LOXL1: variants seen among roughly 807,000 people sequenced by gnomAD.
LOXL1 encodes lysyl oxidase homolog 1.
Under a neutral mutation model 62.2 loss-of-function variants are expected in LOXL1, and 31 were observed. The ratio of observed to expected loss-of-function variants is 0.50; its 90% CI spans 0.37 to 0.67. The LOEUF (loss-of-function observed/expected upper bound fraction) is 0.67. Ranked by LOEUF, LOXL1 falls within the 30% of genes least tolerant of loss-of-function variation. The pLI, the probability that LOXL1 is intolerant of heterozygous loss-of-function variation, is 0.00. For synonymous variants in LOXL1, 403 were observed against 384.4 expected, an observed-to-expected ratio of 1.05 and a Z score of -0.56; for missense variants, 775 against 843.4, an observed-to-expected ratio of 0.92 and a Z score of 1.00.
chr15:73,934,473 G>A (rs1318434766), intron 1 of LOXL1, among the ~76,000 whole-genome samples: 1 of 152,186 alleles, frequency 6.6e-6, no homozygotes, highest in African/African-American at 2.4e-5. Flanking sequence ...AGCACCCACT[G>A]TGCACCTGGG....
intron 5 of LOXL1, 25 bp downstream of exon 5, chr15:73,947,927 C>G: frequency 1.3e-6 from 2 of 1,552,016 alleles, no homozygotes; most frequent in Non-Finnish European, 1.8e-6. Context: ...CTGGGGCTTT[C>G]CCTCCAACCT....
intron 1 of LOXL1, among the ~76,000 whole-genome samples, chr15:73,929,906 T>TG (rs1395570439): frequency 2.6e-5 from 4 of 152,158 alleles, no homozygotes; most frequent in Non-Finnish European, 5.9e-5. Flanking sequence ...ACCAAGTCAG[T>TG]GGGTCTTCTA....
At chr15:73,941,133 C>T (rs1191543909) in intron 1 of LOXL1, among the ~76,000 whole-genome samples, 2 of 152,150 alleles carry the variant, frequency 1.3e-5, no homozygotes, top group Admixed American at 6.5e-5. Context: ...AGAGTGAGAA[C>T]CAGCTCCCAG....
chr15:73,951,500 A>G lies in LOXL1; in HGVS notation c.1719-331A>G, dbSNP rs553596799. Among the ~76,000 whole-genome samples, 56 of 152,122 alleles carry G rather than the reference A, an allele frequency of 3.7e-4. No homozygotes were observed. In the South Asian group the frequency reaches 5.4e-3, roughly 15 times the overall value. ...GTTTCCATCGTGTTTCTGGAGGAAA[A>G]AGGAGGCTTAAAAAAAAAAAAGTAC... On this transcript the variant is annotated intron_variant, in intron 6 of 6. Transcript: ENST00000261921.
In LOXL1 at chr15:73,933,745, C is replaced by T. The variant is rs76798315; in HGVS notation, c.1102+5860C>T. 8.4e-3 allele frequency among the ~76,000 whole-genome samples: 1,279 copies of T among 152,370 alleles called. 13 individuals are homozygous for T. Among genetic ancestry groups the T allele is most frequent in the Non-Finnish European group, 0.013 (862 of 68,038 alleles). On this transcript the variant is annotated intron_variant, in intron 1 of 6. Transcript: ENST00000261921. The stretch of plus-strand genomic sequence containing the variant: ...TGACATGGGCAGGAGAGGAAAGGGG[C>T]AGGGAGGGAGCTGGGGTCCGCCCAG...
rs1169608613 is a variant in LOXL1, at chr15:73,947,860, G to A, written c.1560G>A (p.Trp520Ter). 6.2e-7 allele frequency: 1 copy of A among 1,613,848 alleles called. No individual in the cohort carries two copies. The highest frequency in any genetic ancestry group is 8.5e-7 in the Non-Finnish European group (1 of 1,179,898). The change falls in exon 5 of 7, where the codon TGG (tryptophan) becomes TGA (stop). Residue 520 changes from tryptophan to a stop codon, truncating the protein, a stop_gained. Transcript: ENST00000261921. LOFTEE classifies it high-confidence loss of function. Reference protein sequence around the residue: ...DTYNADIDCQWIDITDVQPGN... With the variant: ...DTYNADIDCQ ...ACAATGCGGACATCGACTGCCAGTG[G>A]ATCGACATAACCGACGTGCAGCCTG...
chr15:73,951,198 C>T (rs1338727824), intron 6 of LOXL1, among the ~76,000 whole-genome samples: 1 of 152,178 alleles, frequency 6.6e-6, no homozygotes, highest in Admixed American at 6.5e-5. Flanking sequence ...GAAACAGCAT[C>T]CCACGTGCCA....
Position 73,951,900 on chromosome 15 carries a change from C to T in LOXL1, c.*63C>T. 7 of 1,405,192 alleles carry T rather than the reference C, an allele frequency of 5.0e-6. No individual in the cohort carries two copies. The highest frequency in any genetic ancestry group is 6.6e-6 in the Non-Finnish European group (7 of 1,067,498). 87.0% of individuals were successfully genotyped at this position (1,405,192 alleles called of 1,614,324 possible). On this transcript the variant is annotated 3_prime_UTR_variant, in exon 7 of 7. Transcript: ENST00000261921. ...AAAGCAGGCCCTGCTCCCCGGGCAG[C>T]CTCCCGCCGAGGGGCCCAGCCCCCA... is the stretch of plus-strand genomic sequence containing the variant.
intron 1 of LOXL1, among the ~76,000 whole-genome samples, chr15:73,932,673 T>C (rs1332593622): frequency 6.6e-6 from 1 of 152,212 alleles, no homozygotes; most frequent in Non-Finnish European, 1.5e-5. Flanking sequence ...TTCTTGGAGT[T>C]TTGCAGTTAG....
At chr15:73,928,981 T>C (rs1449083761) in intron 1 of LOXL1, among the ~76,000 whole-genome samples, 6 of 152,048 alleles carry the variant, frequency 3.9e-5, no homozygotes, top group Non-Finnish European at 5.9e-5. Flanking sequence ...GGGGTGAACA[T>C]ACGTCCTCCT....
Position 73,946,397 on chromosome 15 carries a change from C to CAA in LOXL1, c.1212-20_1212-19insAA. 1.4e-6 allele frequency: 2 copies of CAA among 1,427,178 alleles called. No individual in the cohort carries two copies. Among genetic ancestry groups the CAA allele is most frequent in the Non-Finnish European group, 1.9e-6 (2 of 1,025,784 alleles). 88.4% of individuals were successfully genotyped at this position (1,427,178 alleles called of 1,614,324 possible). On this transcript the variant is annotated intron_variant, in intron 2 of 6. Coordinates refer to ENST00000261921, the MANE Select transcript of LOXL1 (RefSeq NM_005576.4). ...TCACTGTGCCCCAACCCCCCCTCATCTCCCCCGCCGTCCCTGCAGCACAGC... is the reference window on the plus strand; with the variant it reads ...TCACTGTGCCCCAACCCCCCCTCATCAATCCCCCGCCGTCCCTGCAGCACAGC...
At chr15:73,941,835 G>C (rs1363836219) in intron 1 of LOXL1, 1 of 162,978 alleles carries the variant, frequency 6.1e-6, no homozygotes, top group Non-Finnish European at 1.4e-5. Flanking sequence ...AATGCAGAAT[G>C]GAGTCTGGAC....
In LOXL1 at chr15:73,927,230, A is replaced by G; in HGVS notation, c.447A>G (p.Gln149=). ...GGGCCCGCACCTCCGTCTCCCAGCA[A>G]CGGCACGGGGGCTCCGCCTCCTCGG... The part of the protein sequence containing the change: ...MARARTSVSQ[Q]RHGGSASSVS... The change falls in exon 1 of 7, where the codon CAA becomes CAG. Residue 149 remains glutamine (Q), a synonymous_variant. Coordinates refer to ENST00000261921, the MANE Select transcript of LOXL1 (RefSeq NM_005576.4). 6.3e-7 allele frequency: 1 copy of G among 1,596,636 alleles called. No homozygotes were observed. Among genetic ancestry groups the G allele is most frequent in the Non-Finnish European group, 8.5e-7 (1 of 1,176,308 alleles).
intron 1 of LOXL1, among the ~76,000 whole-genome samples, chr15:73,934,774 T>C (rs2141625486): frequency 6.6e-6 from 1 of 152,280 alleles, no homozygotes; most frequent in East Asian, 1.9e-4. Context: ...AAATAGAAGG[T>C]ACTAAGTGCT....
intron 1 of LOXL1, among the ~76,000 whole-genome samples, chr15:73,940,977 G>T (rs974058038): frequency 4.0e-5 from 6 of 151,882 alleles, no homozygotes; most frequent in Non-Finnish European, 5.9e-5. Flanking sequence ...GGGGCAGCAA[G>T]CTGTCTGATG....
intron 1 of LOXL1, among the ~76,000 whole-genome samples, chr15:73,933,273 G>A (rs575944828): frequency 6.7e-4 from 102 of 152,308 alleles, no homozygotes; most frequent in African/African-American, 2.3e-3. Flanking sequence ...AGGTCTCAGG[G>A]TTAATGAGTG....
At chr15:73,934,991 G>A (rs1254947491) in intron 1 of LOXL1, among the ~76,000 whole-genome samples, 1 of 152,228 alleles carries the variant, frequency 6.6e-6, no homozygotes, top group Non-Finnish European at 1.5e-5. Context: ...TTTCAGGTGT[G>A]CTCCAGTGTG....
chr15:73,927,906 C>T (rs1392931178), intron 1 of LOXL1, 21 bp downstream of exon 1: 2 of 1,298,428 alleles, frequency 1.5e-6, no homozygotes, highest in Non-Finnish European at 1.9e-6. Flanking sequence ...CCCCGGCGCC[C>T]CTCCGGCCGC....
chr15:73,928,054 T>C, intron 1 of LOXL1, 169 bp downstream of exon 1: 2 of 514,672 alleles, frequency 3.9e-6, no homozygotes, highest in Non-Finnish European at 3.0e-6. Context: ...AGCACCCCCC[T>C]GGCATCTCAC....
Sources: allele counts gnomAD v4.1 joint callset (sites outside exome capture counted in the v4.1 genomes callset), GRCh38; gene constraint gnomAD v4.1.1; transcripts MANE v1.5; gene names NCBI Gene and HGNC (gene_info 2026-07-23, HGNC 2026-07-21).